The following KCNAB1 variants were observed in gnomAD, a reference collection of about 807,000 sequenced individuals.
The protein encoded by KCNAB1 is voltage-gated potassium channel subunit beta-1.
A neutral mutation model predicts 64.6 loss-of-function variants in KCNAB1; 35 were observed. The observed-to-expected ratio is 0.54, with a 90% CI of 0.41 to 0.72. The LOEUF (loss-of-function observed/expected upper bound fraction) is 0.72. Ranked by LOEUF, KCNAB1 falls within the 30% of genes least tolerant of loss-of-function variation. KCNAB1 has a pLI of 0.00. For missense variants in KCNAB1, 401 were observed against 512.9 expected, an observed-to-expected ratio of 0.78 and a Z score of 2.11; for synonymous variants, 177 against 183.8, an observed-to-expected ratio of 0.96 and a Z score of 0.30.
At chr3:156,278,141 G>A (rs1336586605) in intron 1 of KCNAB1, among the ~76,000 whole-genome samples, 2 of 152,018 alleles carry the variant, frequency 1.3e-5, no homozygotes, top group Non-Finnish European at 2.9e-5. Context: ...GAGAAAATAC[G>A]CCTATTTATA....
In KCNAB1 at chr3:156,337,102, A is replaced by G. The variant is rs373250082; in HGVS notation, c.276-84514A>G. On this transcript the variant is annotated intron_variant, in intron 1 of 13. Transcript: ENST00000490337. ...ATTGTACTAAGTTTACATAATTCACATGGCGTTTAGATGTACAGACATTCA... is the reference window on the plus strand; with the variant it reads ...ATTGTACTAAGTTTACATAATTCACGTGGCGTTTAGATGTACAGACATTCA... Among the ~76,000 whole-genome samples the G allele has an allele frequency of 3.9e-5, 6 of 152,232 alleles. No homozygotes were observed. The East Asian group carries it at 7.7e-4, about 20-fold the overall frequency.
intron 8 of KCNAB1, among the ~76,000 whole-genome samples, chr3:156,512,542 C>T (rs1184075537): frequency 6.6e-6 from 1 of 152,200 alleles, no homozygotes; most frequent in Non-Finnish European, 1.5e-5. Flanking sequence ...GCTGAACTCC[C>T]AGCTCTGAAT....
At chr3:156,528,950 G>A (rs1718509189) in intron 12 of KCNAB1, among the ~76,000 whole-genome samples, 3 of 152,174 alleles carry the variant, frequency 2.0e-5, no homozygotes, top group Admixed American at 2.0e-4. Context: ...CTGCTGGCTG[G>A]ATGAGAGCTG....
intron 1 of KCNAB1, among the ~76,000 whole-genome samples, chr3:156,145,132 T>C (rs1383643179): frequency 1.3e-5 from 2 of 152,182 alleles, no homozygotes; most frequent in Non-Finnish European, 2.9e-5. Context: ...ACCTTGGAGA[T>C]GCCAGATACT....
At chr3:156,368,014 C>CGAAA (rs1237607499) in intron 1 of KCNAB1, among the ~76,000 whole-genome samples, 4 of 152,102 alleles carry the variant, frequency 2.6e-5, no homozygotes, top group Non-Finnish European at 5.9e-5. Context: ...AACCTAAATC[C>CGAAA]TGTTTGTGAA....
chr3:156,519,465 A>G (rs1391316161), intron 11 of KCNAB1, among the ~76,000 whole-genome samples: 2 of 152,206 alleles, frequency 1.3e-5, no homozygotes, highest in East Asian at 3.8e-4. Flanking sequence ...ATTGCTAAAG[A>G]CAAAGCTTGG....
chr3:156,461,974 G>A (rs970289816), intron 5 of KCNAB1, among the ~76,000 whole-genome samples: 2 of 152,208 alleles, frequency 1.3e-5, no homozygotes, highest in Non-Finnish European at 2.9e-5. Context: ...GCTACCACTT[G>A]CTAGCTGTGT....
intron 8 of KCNAB1, among the ~76,000 whole-genome samples, chr3:156,497,745 T>A (rs1651112244): frequency 6.6e-6 from 1 of 152,186 alleles, no homozygotes; most frequent in South Asian, 2.1e-4. Flanking sequence ...TGGTGGGGTT[T>A]GGTTAAATTT....
At chr3:156,205,987 G>A (rs770277112) in intron 1 of KCNAB1, among the ~76,000 whole-genome samples, 12 of 152,088 alleles carry the variant, frequency 7.9e-5, no homozygotes, top group Non-Finnish European at 1.5e-4. Context: ...TTTGTTTGCC[G>A]GGATCACCTT....
At chr3:156,284,749 C>T (rs1454642396) in intron 1 of KCNAB1, among the ~76,000 whole-genome samples, 1 of 152,222 alleles carries the variant, frequency 6.6e-6, no homozygotes, top group Non-Finnish European at 1.5e-5. Context: ...TCCGTCACCC[C>T]TTTCTTTGAC....
chr3:156,448,997 G>A (rs114716866), intron 2 of KCNAB1, among the ~76,000 whole-genome samples: 2,615 of 152,186 alleles, frequency 0.017, 41 homozygotes, highest in Non-Finnish European at 0.027. Flanking sequence ...CTATAAACAA[G>A]TAGGTAGAAA....
At chr3:156,201,582 C>T (rs79623785) in intron 1 of KCNAB1, among the ~76,000 whole-genome samples, 2,421 of 152,282 alleles carry the variant, frequency 0.016, 47 homozygotes, top group Non-Finnish European at 0.019. Flanking sequence ...AGCGCAGGGG[C>T]GGGGGACTAG....
rs1724024842 is a variant in KCNAB1, at chr3:156,340,476, G to A, written c.276-81140G>A. 2.6e-5 allele frequency among the ~76,000 whole-genome samples: 4 copies of A among 152,084 alleles called. No individual in the cohort carries two copies. In the South Asian group the frequency reaches 8.3e-4, roughly 32 times the overall value. ...AAGGTCCTGGCAGATGTAGCTGAGGGGCACCATGGCAGATGGACCCCTGGT... is the reference window on the plus strand; with the variant it reads ...AAGGTCCTGGCAGATGTAGCTGAGGAGCACCATGGCAGATGGACCCCTGGT... On this transcript the variant is annotated intron_variant, in intron 1 of 13. Coordinates refer to ENST00000490337, the MANE Select transcript of KCNAB1 (RefSeq NM_172160.3).
intron 8 of KCNAB1, among the ~76,000 whole-genome samples, chr3:156,491,136 A>G (rs894966788): frequency 6.6e-6 from 1 of 152,250 alleles, no homozygotes; most frequent in East Asian, 1.9e-4. Flanking sequence ...CAATTTCTCC[A>G]CAAGCTGCTG....
At chr3:156,203,320 A>G (rs889227646) in intron 1 of KCNAB1, among the ~76,000 whole-genome samples, 5 of 152,228 alleles carry the variant, frequency 3.3e-5, no homozygotes, top group Non-Finnish European at 7.3e-5. Context: ...ATTTAGCATA[A>G]TTTAGATAGC....
intron 13 of KCNAB1, among the ~76,000 whole-genome samples, chr3:156,534,019 A>C (rs917828944): frequency 6.6e-6 from 1 of 152,126 alleles, no homozygotes; most frequent in African/African-American, 2.4e-5. Context: ...TGCCTATCCT[A>C]AAGGGGACAT....
At chr3:156,528,272 G>A (rs767120322) in intron 12 of KCNAB1, among the ~76,000 whole-genome samples, 6 of 152,042 alleles carry the variant, frequency 3.9e-5, no homozygotes, top group Non-Finnish European at 7.3e-5. Context: ...ACCATAAAAG[G>A]CCTGGACACG....
intron 1 of KCNAB1, among the ~76,000 whole-genome samples, chr3:156,248,371 C>T (rs929723144): frequency 3.3e-5 from 5 of 152,096 alleles, no homozygotes; most frequent in South Asian, 2.1e-4. Context: ...CAAAACTCCC[C>T]GGTAGTTCTG....
chr3:156,405,108 C>A (rs1487306874), intron 1 of KCNAB1, among the ~76,000 whole-genome samples: 1 of 152,120 alleles, frequency 6.6e-6, no homozygotes. Context: ...AAATATGAAC[C>A]CTGCTGAGGT....
Sources: gnomAD v4.1 joint callset for allele counts (sites outside exome capture counted in the v4.1 genomes callset) on GRCh38, gnomAD v4.1.1 for gene constraint, MANE v1.5 for transcripts, NCBI Gene and HGNC (gene_info 2026-07-23, HGNC 2026-07-21) for gene names.